Variants in GRM1 observed in about 807,000 individuals in gnomAD.
GRM1 encodes glutamate metabotropic receptor 1, also known as metabotropic glutamate receptor 1.
GRM1 carries 33 observed loss-of-function variants against 90.9 expected under a neutral mutation model. The observed-to-expected ratio is 0.36, with a 90% CI of 0.28 to 0.49. The LOEUF is 0.49. Ranked by LOEUF, GRM1 falls within the 20% of genes least tolerant of loss-of-function variation. GRM1 has a pLI of 0.99. For synonymous variants in GRM1, 700 were observed against 613.2 expected (o/e 1.14, Z -2.09); for missense variants, 1,190 against 1,534.3 (o/e 0.78, Z 3.75).
intron 2 of GRM1, among the ~76,000 whole-genome samples, chr6:146,180,374 G>T (rs1583123375): frequency 6.6e-6 from 1 of 151,840 alleles, no homozygotes; most frequent in Non-Finnish European, 1.5e-5. Context: ...ACTAAGATTT[G>T]GTTTATTTCT....
chr6:146,190,201 C>T (rs1291167158), intron 2 of GRM1, among the ~76,000 whole-genome samples: 4 of 152,194 alleles, frequency 2.6e-5, no homozygotes, highest in Non-Finnish European at 5.9e-5. Flanking sequence ...AAGAACTTGA[C>T]TCTACCAAAA....
chr6:146,120,380 C>T (rs958636849), intron 1 of GRM1, among the ~76,000 whole-genome samples: 1 of 152,126 alleles, frequency 6.6e-6, no homozygotes, highest in Non-Finnish European at 1.5e-5. Context: ...ATGTCATCTG[C>T]AAACAGGGAC....
At position 146,041,970 on chromosome 6, in the gene GRM1, T is replaced by C. The variant is rs1791127614; in HGVS notation, c.700+11753T>C. 2.0e-5 allele frequency among the ~76,000 whole-genome samples: 3 copies of C among 151,938 alleles called. No homozygotes were observed. The South Asian group carries it at 6.2e-4, about 32-fold the overall frequency. ...TGAGGGCTGCTGTCTGCTTCCAAGA[T>C]GGTGTCTTGTTACTGCATCCTCCAG... On this transcript the variant is annotated intron_variant, in intron 1 of 7. Transcript: ENST00000282753.
chr6:146,142,953 C>T (rs543119102), intron 1 of GRM1, among the ~76,000 whole-genome samples: 1 of 152,280 alleles, frequency 6.6e-6, no homozygotes, highest in African/African-American at 2.4e-5. Context: ...CTGCTTTTCT[C>T]AAAGAAAGTA....
intron 7 of GRM1, among the ~76,000 whole-genome samples, chr6:146,400,733 C>A (rs1386900404): frequency 6.6e-6 from 1 of 152,024 alleles, no homozygotes; most frequent in African/African-American, 2.4e-5. Flanking sequence ...TTTTCTCCAC[C>A]AGCAGCATTA....
rs564326671 is a variant in GRM1 at position 146,322,758 on chromosome 6, C to T, written c.1186+17912C>T. ...CTAATGCTATCCCTCCCGCCCTCCA[C>T]CCACCCCACAGCAGTCCCCAGTGTG... On this transcript the variant is annotated intron_variant, in intron 3 of 7. Transcript: ENST00000282753. Among the ~76,000 whole-genome samples the T allele has an allele frequency of 2.2e-3, 335 of 151,862 alleles. 3 individuals carry two copies. The highest frequency in any genetic ancestry group is 7.7e-3 in the African/African-American group (320 of 41,464).
intron 1 of GRM1, among the ~76,000 whole-genome samples, chr6:146,035,803 G>T (rs147896336): frequency 4.1e-3 from 625 of 151,926 alleles, no homozygotes; most frequent in Non-Finnish European, 6.8e-3. Flanking sequence ...TATCTTGGCT[G>T]GATTTATTAA....
At chr6:146,417,185 T>G (rs181734814) in intron 7 of GRM1, among the ~76,000 whole-genome samples, 1 of 152,366 alleles carries the variant, frequency 6.6e-6, no homozygotes, top group Admixed American at 6.5e-5. Flanking sequence ...AGCTTGAAGA[T>G]GATCCGCTTA....
At chr6:146,344,821 T>C (rs1050159068) in intron 3 of GRM1, among the ~76,000 whole-genome samples, 4 of 79,140 alleles carry the variant, frequency 5.1e-5, no homozygotes, top group African/African-American at 1.6e-4. Flanking sequence ...TTTTTCTTTC[T>C]TTTTTTTGAG....
chr6:146,170,836 TA>T (rs1383134917), intron 2 of GRM1, among the ~76,000 whole-genome samples: 1 of 152,086 alleles, frequency 6.6e-6, no homozygotes, highest in Non-Finnish European at 1.5e-5. Context: ...CACTTTTTTT[TA>T]AAAAAATCTC....
At chr6:146,396,618 G>T (rs1230791959) in intron 6 of GRM1, among the ~76,000 whole-genome samples, 2 of 151,636 alleles carry the variant, frequency 1.3e-5, no homozygotes, top group Non-Finnish European at 2.9e-5. Context: ...AAACAAAACA[G>T]AAAAATATGG....
At chr6:146,393,331 T>C (rs1406279798) in intron 6 of GRM1, among the ~76,000 whole-genome samples, 2 of 152,186 alleles carry the variant, frequency 1.3e-5, no homozygotes, top group Non-Finnish European at 2.9e-5. Flanking sequence ...AAGTGTCTTC[T>C]TTTGAGAAGT....
At chr6:146,064,212 G>A (rs184854780) in intron 1 of GRM1, among the ~76,000 whole-genome samples, 99 of 152,244 alleles carry the variant, frequency 6.5e-4, no homozygotes, top group Admixed American at 1.4e-3. Context: ...AATTCCTGGC[G>A]TGATGTGCAT....
chr6:146,201,464 G>C (rs1779294687), intron 2 of GRM1, among the ~76,000 whole-genome samples: 1 of 152,192 alleles, frequency 6.6e-6, no homozygotes, highest in African/African-American at 2.4e-5. Flanking sequence ...CCAATTTGGT[G>C]TCTGCTGAGG....
intron 2 of GRM1, among the ~76,000 whole-genome samples, chr6:146,187,029 A>G (rs1470190499): frequency 6.6e-6 from 1 of 152,188 alleles, no homozygotes; most frequent in Non-Finnish European, 1.5e-5. Context: ...TTTAAAGGGA[A>G]GAAGAAATGC....
intron 1 of GRM1, among the ~76,000 whole-genome samples, chr6:146,037,775 A>G (rs926440920): frequency 6.6e-6 from 1 of 151,964 alleles, no homozygotes; most frequent in African/African-American, 2.4e-5. Flanking sequence ...CCTGACCACA[A>G]TCTGGTACCC....
rs528302369 is a variant in GRM1, at chr6:146,315,823, G to A, written c.1186+10977G>A. Among the ~76,000 whole-genome samples the A allele has an allele frequency of 4.6e-5, 7 of 152,286 alleles. No homozygotes were observed. The South Asian group carries it at 1.2e-3, about 27-fold the overall frequency. ...ATCTGAGATAGCTAATGAGATTTTA[G>A]TAATTCATGATCTGAATCAGTCTCT... is the stretch of plus-strand genomic sequence containing the variant. On this transcript the variant is annotated intron_variant, in intron 3 of 7. Coordinates refer to ENST00000282753, the MANE Select transcript of GRM1 (RefSeq NM_001278064.2).
chr6:146,235,157 T>G (rs1780594499), intron 2 of GRM1, among the ~76,000 whole-genome samples: 1 of 152,142 alleles, frequency 6.6e-6, no homozygotes. Context: ...CATTCTTTAA[T>G]TTTCCATTGT....
intron 1 of GRM1, among the ~76,000 whole-genome samples, chr6:146,041,987 A>C (rs9373482): frequency 0.39 from 59,355 of 151,822 alleles, 11,953 homozygotes; most frequent in Middle Eastern, 0.5. Context: ...TTGTTACTGC[A>C]TCCTCCAGAG....
Sources: gnomAD v4.1 joint callset for allele counts (sites outside exome capture counted in the v4.1 genomes callset) on GRCh38, gnomAD v4.1.1 for gene constraint, MANE v1.5 for transcripts, NCBI Gene and HGNC (gene_info 2026-07-23, HGNC 2026-07-21) for gene names.